HECW2: variants seen among roughly 807,000 people sequenced by gnomAD.
HECW2 encodes E3 ubiquitin-protein ligase HECW2.
Under a neutral mutation model 175.2 loss-of-function variants are expected in HECW2, and 61 were observed. The ratio of observed to expected loss-of-function variants is 0.35; its 90% confidence interval spans 0.28 to 0.43. HECW2 has a LOEUF of 0.43. Among genes scored for constraint, HECW2 ranks in the 20% least tolerant of loss-of-function variants. HECW2 has a pLI of 1.00. For missense variants in HECW2, 1,524 were observed against 2,000.5 expected, an observed-to-expected ratio of 0.76 and a Z score of 4.54; for synonymous variants, 671 against 731.0, an observed-to-expected ratio of 0.92 and a Z score of 1.32.
chr2:196,294,961 G>A (rs576763191), intron 13 of HECW2, among the ~76,000 whole-genome samples: 91 of 152,214 alleles, frequency 6.0e-4, no homozygotes, highest in Non-Finnish European at 1.1e-3. Flanking sequence ...TTGATTTACC[G>A]TCATTAAATA....
chr2:196,278,133 A>AAAAAAAAAATAT (rs531920307), intron 15 of HECW2, among the ~76,000 whole-genome samples: 4 of 66,550 alleles, frequency 6.0e-5, no homozygotes, highest in Non-Finnish European at 1.3e-4. Flanking sequence ...ATAATTAAAA[A>AAAAAAAAAATAT]ATATATATAT....
intron 1 of HECW2, among the ~76,000 whole-genome samples, chr2:196,458,726 C>T (rs1434897138): frequency 2.0e-5 from 3 of 151,946 alleles, no homozygotes; most frequent in Non-Finnish European, 2.9e-5. Flanking sequence ...ATTAGCTGGG[C>T]GTGGTGGTGT....
intron 21 of HECW2, among the ~76,000 whole-genome samples, chr2:196,235,908 T>G (rs1299833732): frequency 6.6e-6 from 1 of 152,048 alleles, no homozygotes; most frequent in East Asian, 1.9e-4. Context: ...CTGCTCGCCT[T>G]GGCCTCCCAA....
chr2:196,307,068 A>T (rs1239082717), intron 12 of HECW2, 62 bp downstream of exon 12: 1 of 1,155,436 alleles, frequency 8.7e-7, no homozygotes, highest in Non-Finnish European at 1.3e-6. Context: ...CTTGTTGGGA[A>T]TCCTTATTTG....
At chr2:196,374,263 T>C (rs1443700166) in intron 2 of HECW2, among the ~76,000 whole-genome samples, 1 of 152,096 alleles carries the variant, frequency 6.6e-6, no homozygotes, top group Non-Finnish European at 1.5e-5. Context: ...AGATAATAAG[T>C]GGAAAAACAT....
At chr2:196,383,985 A>G (rs1455355093) in intron 2 of HECW2, among the ~76,000 whole-genome samples, 4 of 152,208 alleles carry the variant, frequency 2.6e-5, no homozygotes, top group African/African-American at 9.6e-5. Context: ...GGAATTGTAC[A>G]ACCTCAACAG....
At chr2:196,310,821 T>A (rs72923379) in intron 10 of HECW2, among the ~76,000 whole-genome samples, 10,572 of 146,324 alleles carry the variant, frequency 0.072, 424 homozygotes, top group East Asian at 0.15. Context: ...GAAGGCCTGA[T>A]TTCTGGCTGT....
chr2:196,476,429 C>A (rs890087697), intron 1 of HECW2, among the ~76,000 whole-genome samples: 1 of 145,114 alleles, frequency 6.9e-6, no homozygotes, highest in African/African-American at 2.6e-5. Context: ...GATGACAAAG[C>A]GAGACTCCAT....
chr2:196,475,492 A>G (rs899242728), intron 1 of HECW2, among the ~76,000 whole-genome samples: 2 of 152,112 alleles, frequency 1.3e-5, no homozygotes, highest in African/African-American at 4.8e-5. Context: ...TCCTACCTTC[A>G]GACATAGCCA....
At chr2:196,310,324 T>A (rs1411587059) in intron 10 of HECW2, among the ~76,000 whole-genome samples, 2 of 152,224 alleles carry the variant, frequency 1.3e-5, no homozygotes, top group African/African-American at 4.8e-5. Flanking sequence ...ACTGATGTAA[T>A]TACTCAAGAC....
Position 196,325,080 on chromosome 2 carries a change from T to C in HECW2, c.641A>G (p.Gln214Arg). Reference protein sequence around the residue: ...NPDPYLKMSIQPGKKSSFPTC... With the variant: ...NPDPYLKMSIRPGKKSSFPTC... ...GGGGAAACTGCTCTTCTTTCCTGGC[T>C]GAATTGACATCTTAAGATAAGGGTC... is the stretch of plus-strand genomic sequence containing the variant. The change falls in exon 6 of 29, where the codon CAG becomes CGG. Residue 214 changes from glutamine (Q) to arginine (R), a missense_variant. Gln to Arg is a conservative substitution (Grantham distance 43). Around this residue, in one of 11 missense-constraint regions of HECW2, gnomAD observed 95 missense variants for 136.8 expected, o/e 0.69. Coordinates refer to ENST00000644978, the MANE Select transcript of HECW2 (RefSeq NM_001348768.2). 6.2e-7 allele frequency: 1 copy of C among 1,612,780 alleles called. No homozygotes were observed. The highest frequency in any genetic ancestry group is 8.5e-7 in the Non-Finnish European group (1 of 1,179,462).
chr2:196,577,527 T>G (rs1690604389), intron 1 of HECW2, among the ~76,000 whole-genome samples: 2 of 152,174 alleles, frequency 1.3e-5, no homozygotes, highest in South Asian at 4.1e-4. Context: ...CATATAGGTC[T>G]TTGCAAAGCT....
chr2:196,247,383 A>G (rs1271588413), intron 19 of HECW2, among the ~76,000 whole-genome samples: 1 of 152,238 alleles, frequency 6.6e-6, no homozygotes, highest in Non-Finnish European at 1.5e-5. Flanking sequence ...TGGAAATACA[A>G]AATGTTCTTG....
chr2:196,228,194 G>A lies in HECW2; in HGVS notation c.3825C>T (p.Asn1275=). The change falls in exon 22 of 29, where the codon AAC becomes AAT. Residue 1275 remains asparagine (N), a synonymous_variant. Transcript: ENST00000644978. ...FFFLVSRELF[N]PYYGLFEYSA... is the part of the protein sequence containing the mutation. ...AATATTCAAATAAGCCATAATATGG[G>A]TTAAAGAGTTCTCTGGATACCAGGA... 4 of 1,613,180 alleles carry A rather than the reference G, an allele frequency of 2.5e-6. No homozygotes were observed. The South Asian group carries it at 4.4e-5, about 18-fold the overall frequency.
chr2:196,232,709 A>G (rs1224209064), intron 21 of HECW2, among the ~76,000 whole-genome samples: 1 of 152,244 alleles, frequency 6.6e-6, no homozygotes, highest in Non-Finnish European at 1.5e-5. Context: ...TGCTAAAACA[A>G]CAAAGACTGA....
At chr2:196,244,474 C>T (rs1162187726) in intron 19 of HECW2, among the ~76,000 whole-genome samples, 1 of 152,182 alleles carries the variant, frequency 6.6e-6, no homozygotes, top group Non-Finnish European at 1.5e-5. Flanking sequence ...CCTTGGGGAT[C>T]CAGCGGGCAG....
intron 1 of HECW2, among the ~76,000 whole-genome samples, chr2:196,459,591 C>T (rs1463765900): frequency 2.0e-5 from 3 of 152,086 alleles, no homozygotes; most frequent in Non-Finnish European, 2.9e-5. Flanking sequence ...CCATAACCAA[C>T]ATTAGGATTT....
At chr2:196,312,807 C>T (rs922135586) in intron 10 of HECW2, among the ~76,000 whole-genome samples, 1 of 152,116 alleles carries the variant, frequency 6.6e-6, no homozygotes, top group Admixed American at 6.5e-5. Context: ...TAAAAGTATC[C>T]ATTTTTTCCT....
intron 2 of HECW2, among the ~76,000 whole-genome samples, chr2:196,396,049 A>T (rs1559086033): frequency 1.3e-5 from 2 of 152,230 alleles, no homozygotes. Context: ...AAAATGATGG[A>T]AATTCTGACA....
Sources: allele counts gnomAD v4.1 joint callset (sites outside exome capture counted in the v4.1 genomes callset), GRCh38; gene constraint gnomAD v4.1.1; regional missense constraint gnomAD v4.1.1; transcripts MANE v1.5; gene names NCBI Gene and HGNC (gene_info 2026-07-23, HGNC 2026-07-21).